The following NASP variants were observed in gnomAD, a reference collection of about 807,000 sequenced individuals.
NASP encodes nuclear autoantigenic sperm protein.
A neutral mutation model predicts 89.5 loss-of-function variants in NASP; 24 were observed. That is an observed-to-expected ratio of 0.27 (90% CI 0.19 to 0.38). The LOEUF (loss-of-function observed/expected upper bound fraction) is 0.38. Ranked by LOEUF, NASP falls within the 10% of genes least tolerant of loss-of-function variation. The pLI is 1.00. For missense variants in NASP, 848 were observed against 921.4 expected (o/e 0.92, Z 1.03); for synonymous variants, 306 against 324.7 (o/e 0.94, Z 0.62).
At chr1:45,603,070 C>A (rs190704894) in intron 3 of NASP, among the ~76,000 whole-genome samples, 149 of 152,264 alleles carry the variant, frequency 9.8e-4, no homozygotes, top group African/African-American at 3.3e-3. Context: ...ATTCTTAGCA[C>A]TGTTGTTGGA....
chr1:45,610,960 C>A, intron 6 of NASP: 1 of 152,430 alleles, frequency 6.6e-6, no homozygotes, highest in Non-Finnish European at 1.5e-5. Context: ...TCAGGTGATC[C>A]ACTAGCCTCA....
At position 45,618,651 on chromosome 1, in the gene NASP, A is replaced by G. The variant is rs1418684202; in HGVS notation, c.*510A>G. On this transcript the variant is annotated 3_prime_UTR_variant, in exon 15 of 15. Coordinates refer to ENST00000350030, the MANE Select transcript of NASP (RefSeq NM_002482.4). ...CTGGGGCTATAATTCTGTCCTGGAAAAAGAACTCTGAAAACCTGGGTCAGG... is the reference window on the plus strand; with the variant it reads ...CTGGGGCTATAATTCTGTCCTGGAAGAAGAACTCTGAAAACCTGGGTCAGG... 1 of 153,980 alleles carries G rather than the reference A, an allele frequency of 6.5e-6. No individual in the cohort carries two copies. The highest frequency in any genetic ancestry group is 6.4e-5 in the Admixed American group (1 of 15,554). The allele number at this position is 153,980 out of a possible 1,614,324, so 9.5% of individuals were successfully genotyped here. A position where few individuals can be genotyped will look rare whatever the true frequency, so the allele number is the denominator to read the frequency against.
intron 11 of NASP, chr1:45,615,717 G>T: frequency 4.6e-6 from 2 of 438,130 alleles, no homozygotes; most frequent in South Asian, 3.1e-5. Context: ...TGTAAAATGG[G>T]GATAATACAG....
At chr1:45,585,766 G>T (rs1157219933) in intron 1 of NASP, among the ~76,000 whole-genome samples, 1 of 152,118 alleles carries the variant, frequency 6.6e-6, no homozygotes, top group African/African-American at 2.4e-5. Context: ...GGGCACAACT[G>T]ATCTTCCCTA....
intron 1 of NASP, among the ~76,000 whole-genome samples, chr1:45,587,423 G>A (rs1002929587): frequency 2.0e-5 from 3 of 151,742 alleles, no homozygotes; most frequent in Non-Finnish European, 2.9e-5. Context: ...AGCCGGTCTC[G>A]GCGTGAGCCA....
At chr1:45,591,121 A>C (rs1643537276) in intron 1 of NASP, 102 bp from the exon 2 acceptor site, 1 of 657,512 alleles carries the variant, frequency 1.5e-6, no homozygotes, top group East Asian at 3.1e-5. Flanking sequence ...TTAATAAATG[A>C]CAGCTCTTTT....
chr1:45,602,164 A>T (rs1250335154), intron 2 of NASP, 91 bp from the exon 3 acceptor site: 18 of 1,475,872 alleles, frequency 1.2e-5, no homozygotes, highest in Non-Finnish European at 1.4e-5. Flanking sequence ...CAAAAGTTTT[A>T]AAAAATGAAA....
intron 1 of NASP, among the ~76,000 whole-genome samples, chr1:45,590,796 C>A (rs1374676171): frequency 3.4e-5 from 5 of 148,948 alleles, no homozygotes; most frequent in African/African-American, 1.2e-4. Context: ...AAGACCTAGT[C>A]CCTTAACCAC....
intron 6 of NASP, chr1:45,612,463 T>G (rs933752645): frequency 2.0e-5 from 3 of 152,230 alleles, no homozygotes; most frequent in African/African-American, 7.2e-5. Context: ...GCGCTATTGA[T>G]TAGGAGCCTG....
intron 4 of NASP, 127 bp from the exon 5 acceptor site, chr1:45,606,353 CAT>C (rs757169641): frequency 1.6e-5 from 10 of 608,330 alleles, no homozygotes; most frequent in Non-Finnish European, 2.3e-5. Context: ...CTTGAATATA[CAT>C]AGTTTTGTAT....
intron 2 of NASP, among the ~76,000 whole-genome samples, chr1:45,591,617 A>G (rs1643550372): frequency 6.6e-6 from 1 of 152,090 alleles, no homozygotes; most frequent in Non-Finnish European, 1.5e-5. Context: ...AGCCTTTCAA[A>G]GTGTAGGATT....
At chr1:45,592,707 G>A (rs927980882) in intron 2 of NASP, 1 of 152,094 alleles carries the variant, frequency 6.6e-6, no homozygotes, top group Non-Finnish European at 1.5e-5. Flanking sequence ...TAGAGACAGG[G>A]TTTCGCCATG....
intron 6 of NASP, among the ~76,000 whole-genome samples, chr1:45,608,960 C>G (rs968703352): frequency 1.3e-5 from 2 of 152,098 alleles, no homozygotes; most frequent in African/African-American, 2.4e-5. Context: ...CAGGCCCCCC[C>G]CACCTTCCCC....
chr1:45,612,670 A>G (rs1031212339), intron 6 of NASP: 3 of 152,684 alleles, frequency 2.0e-5, no homozygotes, highest in Admixed American at 6.5e-5. Context: ...GGTAAGGACT[A>G]TGCTTTTTGC....
chr1:45,585,017 C>T (rs1008209681), intron 1 of NASP, among the ~76,000 whole-genome samples: 1 of 152,204 alleles, frequency 6.6e-6, no homozygotes, highest in African/African-American at 2.4e-5. Flanking sequence ...GAAGCGCTGT[C>T]TGGAGCTCTC....
At chr1:45,589,918 A>G (rs1415577220) in intron 1 of NASP, among the ~76,000 whole-genome samples, 1 of 152,100 alleles carries the variant, frequency 6.6e-6, no homozygotes, top group Non-Finnish European at 1.5e-5. Flanking sequence ...ACAAAACTGA[A>G]TCAGACATAC....
chr1:45,608,100 T>A lies in NASP; in HGVS notation c.1189T>A (p.Ser397Thr). Residue 397 changes from serine to threonine, a missense_variant, in exon 6 of 15, where the codon TCT becomes ACT. Ser to Thr is a moderately conservative substitution (Grantham distance 58, BLOSUM62 1). Transcript: ENST00000350030. Reference sequence around the variant, plus strand: ...TCAGACTCCTATTGAACCACAGACTTCTATAGAAAGACTGACAGAAACAAA... The same window carrying A: ...TCAGACTCCTATTGAACCACAGACTACTATAGAAAGACTGACAGAAACAAA... Reference protein sequence around the residue: ...GDQTPIEPQTSIERLTETKDG... With the variant: ...GDQTPIEPQTTIERLTETKDG... 1 of 1,613,906 alleles carries A rather than the reference T, an allele frequency of 6.2e-7. No homozygotes were observed. The highest frequency in any genetic ancestry group is 8.5e-7 in the Non-Finnish European group (1 of 1,179,886).
intron 1 of NASP, among the ~76,000 whole-genome samples, chr1:45,587,492 C>T (rs1644569632): frequency 2.0e-5 from 3 of 151,706 alleles, no homozygotes; most frequent in Admixed American, 2.0e-4. Context: ...CATATCTCAA[C>T]TGTGGATGGT....
At position 45,618,596 on chromosome 1, in the gene NASP, G is replaced by A. The variant is rs1644149919; in HGVS notation, c.*455G>A. On this transcript the variant is annotated 3_prime_UTR_variant, in exon 15 of 15. Transcript: ENST00000350030. ...TTGGCTGTGAGCCAGGCCTAGGATG[G>A]TTCTTGTCCTATATCCACCTAGTCT... 6.3e-6 allele frequency: 1 copy of A among 158,084 alleles called. No homozygotes were observed. The highest frequency in any genetic ancestry group is 6.1e-5 in the Admixed American group (1 of 16,266). The allele number at this position is 158,084 out of a possible 1,614,324, so 9.8% of individuals were successfully genotyped here.
Sources: gnomAD v4.1 joint callset for allele counts (sites outside exome capture counted in the v4.1 genomes callset) on GRCh38, gnomAD v4.1.1 for gene constraint, MANE v1.5 for transcripts, NCBI Gene and HGNC (gene_info 2026-07-23, HGNC 2026-07-21) for gene names.